FOXK1: variants seen among roughly 807,000 people sequenced by gnomAD.
FOXK1 encodes forkhead box protein K1.
FOXK1 carries 19 observed loss-of-function variants against 51.9 expected under a neutral mutation model. The ratio of observed to expected loss-of-function variants is 0.37; its 90% CI spans 0.26 to 0.54. The LOEUF (loss-of-function observed/expected upper bound fraction) is 0.54, where lower values mean the gene tolerates loss of function less well. Among genes scored for constraint, FOXK1 ranks in the 20% least tolerant of loss-of-function variants. The pLI is 0.87. For synonymous variants in FOXK1, 537 were observed against 482.6 expected, an observed-to-expected ratio of 1.11 and a Z score of -1.48; for missense variants, 870 against 1,032.7, an observed-to-expected ratio of 0.84 and a Z score of 2.16.
chr7:4,740,124 G>A (rs569157356), intron 1 of FOXK1, among the ~76,000 whole-genome samples: 9 of 151,932 alleles, frequency 5.9e-5, no homozygotes, highest in East Asian at 3.9e-4. Context: ...GTGAAACCCC[G>A]TCTCTACTAA....
At chr7:4,695,222 G>C (rs1239954777) in intron 1 of FOXK1, among the ~76,000 whole-genome samples, 1 of 152,206 alleles carries the variant, frequency 6.6e-6, no homozygotes, top group African/African-American at 2.4e-5. Flanking sequence ...TTTCCGTTAA[G>C]AATATCCACC....
Position 4,705,548 on chromosome 7 carries a change from TCTCTCTCTCTCG to T in FOXK1, c.560+22686_560+22697del, listed in dbSNP as rs1470427469. Among the ~76,000 whole-genome samples, 24 of 140,230 alleles carry T rather than the reference TCTCTCTCTCTCG, an allele frequency of 1.7e-4. No individual in the cohort carries two copies. In the South Asian group the frequency reaches 1.7e-3, roughly 10 times the overall value. 92.0% of individuals were successfully genotyped at this position (140,230 alleles called of 152,430 possible). ...CTCTCTCTCTCTCTCTCTCTCTCTC[TCTCTCTCTCTCG>T]CTCTCGCTCTCTCGTCGCCAGGCTG... On this transcript the variant is annotated intron_variant, in intron 1 of 8. Coordinates refer to ENST00000328914, the MANE Select transcript of FOXK1 (RefSeq NM_001037165.2).
chr7:4,718,196 C>G (rs1332624447), intron 1 of FOXK1, among the ~76,000 whole-genome samples: 2 of 150,800 alleles, frequency 1.3e-5, no homozygotes, highest in African/African-American at 5.0e-5. Flanking sequence ...GCATCACAGC[C>G]GGGAAGTTGG....
intron 7 of FOXK1, chr7:4,760,097 C>T (rs990006434): frequency 1.2e-5 from 2 of 160,066 alleles, no homozygotes; most frequent in Admixed American, 6.3e-5. Flanking sequence ...CTCGGATGCA[C>T]ATAGCTGTGT....
At position 4,735,662 on chromosome 7, in the gene FOXK1, T is replaced by C. The variant is rs534280113; in HGVS notation, c.561-5176T>C. On this transcript the variant is annotated intron_variant, in intron 1 of 8. Coordinates refer to ENST00000328914, the MANE Select transcript of FOXK1 (RefSeq NM_001037165.2). The surrounding 1 kb of genome is among the most constrained non-coding windows in gnomAD (Gnocchi z 4.7). ...GGCTGGTGGACGGAGATTTCTACTC[T>C]GTGGACACACTTAACCTTAGCGGAA... Among the ~76,000 whole-genome samples the C allele has an allele frequency of 9.2e-5, 14 of 152,282 alleles. No homozygotes were observed. The highest frequency in any genetic ancestry group is 7.7e-4 in the East Asian group (4 of 5,166).
rs1000199489 is a variant in FOXK1 at position 4,765,180 on chromosome 7, A to C, written c.*2716A>C. On this transcript the variant is annotated 3_prime_UTR_variant, in exon 9 of 9. Transcript: ENST00000328914. ...GTCCTGGATCCACTGCTCTGGGCTC[A>C]TAACCATGAGATTTTGAAAGAGTTT... is the stretch of plus-strand genomic sequence containing the variant. 2 of 152,634 alleles carry C rather than the reference A, an allele frequency of 1.3e-5. No individual in the cohort carries two copies. Among genetic ancestry groups the C allele is most frequent in the African/African-American group, 4.8e-5 (2 of 41,480 alleles). 9.5% of individuals were successfully genotyped at this position (152,634 alleles called of 1,614,324 possible). A position where few individuals can be genotyped will look rare whatever the true frequency, so the allele number is the denominator to read the frequency against.
In FOXK1 at chr7:4,754,579, G is replaced by A; in HGVS notation, c.867G>A (p.Glu289=). The change falls in exon 3 of 9, where the codon GAG becomes GAA. Residue 289 remains glutamate, a synonymous_variant. Coordinates refer to ENST00000328914, the MANE Select transcript of FOXK1 (RefSeq NM_001037165.2). ...AGTTTGCAGCAAAGGCCGCGTCGGA[G>A]CAGCAGGCAGACACGTCTGGAGGAG... is the stretch of plus-strand genomic sequence containing the variant. ...AAEFAAKAAS[E]QQADTSGGDS... is the part of the protein sequence containing the mutation. 1.9e-6 allele frequency: 3 copies of A among 1,607,818 alleles called. No homozygotes were observed. Among genetic ancestry groups the A allele is most frequent in the Non-Finnish European group, 2.5e-6 (3 of 1,180,006 alleles).
At chr7:4,727,922 G>A (rs1397190002) in intron 1 of FOXK1, among the ~76,000 whole-genome samples, 4 of 152,206 alleles carry the variant, frequency 2.6e-5, no homozygotes, top group East Asian at 1.9e-4. Context: ...GAGGAAAAGC[G>A]GCCGGTAAAA....
rs1197344882 is a variant in FOXK1, at chr7:4,767,066, G to A, written c.*4602G>A. ...CTTCGCTTTCAGAGCCGGCGGGAGT[G>A]CAGGTCTGTTTTGCTTCAGAAGCCT... is the stretch of plus-strand genomic sequence containing the variant. On this transcript the variant is annotated 3_prime_UTR_variant, in exon 9 of 9. Transcript: ENST00000328914. The surrounding 1 kb of genome is among the most constrained non-coding windows in gnomAD (Gnocchi z 6.6). The A allele has an allele frequency of 6.6e-6, 1 of 152,156 alleles. No homozygotes were observed. Among genetic ancestry groups the A allele is most frequent in the Non-Finnish European group, 1.5e-5 (1 of 68,064 alleles). The allele number at this position is 152,156 out of a possible 1,614,324, so 9.4% of individuals were successfully genotyped here.
chr7:4,685,242 C>G (rs1020904802), intron 1 of FOXK1, among the ~76,000 whole-genome samples: 9 of 40,572 alleles, frequency 2.2e-4, no homozygotes, highest in African/African-American at 8.2e-4. Context: ...TTTTTTTTTT[C>G]TGTCATGGAG....
rs1780141130 is a variant in FOXK1 at position 4,709,045 on chromosome 7, A to G, written c.560+26177A>G. Among the ~76,000 whole-genome samples, 3 of 148,718 alleles carry G rather than the reference A, an allele frequency of 2.0e-5. No homozygotes were observed. The South Asian group carries it at 6.4e-4, about 32-fold the overall frequency. On this transcript the variant is annotated intron_variant, in intron 1 of 8. Coordinates refer to ENST00000328914, the MANE Select transcript of FOXK1 (RefSeq NM_001037165.2). The surrounding 1 kb of genome is among the most constrained non-coding windows in gnomAD (Gnocchi z 5.6). ...GCCCCACTGCACTCCAGCCTGGGCA[A>G]TGAGCGAGACTCTGTCTCAAAAAAA...
intron 1 of FOXK1, among the ~76,000 whole-genome samples, chr7:4,699,261 G>C (rs929089975): frequency 6.6e-6 from 1 of 151,028 alleles, no homozygotes; most frequent in African/African-American, 2.4e-5. Context: ...CGTGGGACTC[G>C]TGGGGTCCTT....
intron 7 of FOXK1, chr7:4,760,083 G>C (rs1181084311): frequency 1.2e-5 from 2 of 162,220 alleles, no homozygotes; most frequent in African/African-American, 4.8e-5. Flanking sequence ...TGTTGAACAG[G>C]GCCCTCGGAT....
chr7:4,758,446 G>GAA lies in FOXK1; in HGVS notation c.1245-604_1245-603dup, dbSNP rs1052136529. Reference sequence around the variant, plus strand: ...GCAGTCTCGGAAATCCTTCCCCGTGGAAGGACACGTTAACCTCTCGTGCTT... The same window carrying GAA: ...GCAGTCTCGGAAATCCTTCCCCGTGGAAAAGGACACGTTAACCTCTCGTGCTT... On this transcript the variant is annotated intron_variant, in intron 5 of 8. Transcript: ENST00000328914. The surrounding 1 kb of genome is among the most constrained non-coding windows in gnomAD (Gnocchi z 4.4). 6 of 152,394 alleles carry GAA rather than the reference G, an allele frequency of 3.9e-5. No homozygotes were observed. Among genetic ancestry groups the GAA allele is most frequent in the African/African-American group, 1.4e-4 (6 of 41,466 alleles). The allele number at this position is 152,394 out of a possible 1,614,324, so 9.4% of individuals were successfully genotyped here.
chr7:4,737,466 G>A (rs1780568009), intron 1 of FOXK1, among the ~76,000 whole-genome samples: 1 of 150,930 alleles, frequency 6.6e-6, no homozygotes, highest in African/African-American at 2.5e-5. Flanking sequence ...GTGTGCATGT[G>A]TGTGTGTGCG....
chr7:4,711,250 G>A lies in FOXK1; in HGVS notation c.560+28382G>A, dbSNP rs900225467. ...CCCTCCTGGGTCCCGACACCTGGGG[G>A]TGTTTTCACAGGGTGGGAAGGCTGA... On this transcript the variant is annotated intron_variant, in intron 1 of 8. Transcript: ENST00000328914. This position sits in a 1 kb window ranked among gnomAD's most constrained non-coding sequence, Gnocchi z 6.3. 6.6e-6 allele frequency among the ~76,000 whole-genome samples: 1 copy of A among 152,176 alleles called. No individual in the cohort carries two copies. The highest frequency in any genetic ancestry group is 1.5e-5 in the Non-Finnish European group (1 of 68,038).
chr7:4,692,187 C>G (rs925873538), intron 1 of FOXK1, among the ~76,000 whole-genome samples: 1 of 152,102 alleles, frequency 6.6e-6, no homozygotes, highest in Non-Finnish European at 1.5e-5. Flanking sequence ...TGGTAGAACT[C>G]TGTAATGTCT....
chr7:4,737,429 TGTGTGCATGCGTGTGTGTGCGTGCAC>T (rs1456227562), intron 1 of FOXK1, among the ~76,000 whole-genome samples: 2 of 145,820 alleles, frequency 1.4e-5, no homozygotes, highest in Non-Finnish European at 3.0e-5. Context: ...CGGGTAGGTG[TGTGTGCATGCGTGTGTGTGCGTGCAC>T]GTGTGCATGT....
Position 4,761,928 on chromosome 7 carries a change from C to T in FOXK1, c.1922-256C>T, listed in dbSNP as rs369108113. On this transcript the variant is annotated intron_variant, in intron 8 of 8. Coordinates refer to ENST00000328914, the MANE Select transcript of FOXK1 (RefSeq NM_001037165.2). This position sits in a 1 kb window ranked among gnomAD's most constrained non-coding sequence, Gnocchi z 6.2. The stretch of plus-strand genomic sequence containing the variant: ...TGTGTAAAGGAGTGAGGCAAGCCGT[C>T]GATGTCCAGCAGGATCTAGACAGCA... Among the ~76,000 whole-genome samples, 1 of 152,036 alleles carries T rather than the reference C, an allele frequency of 6.6e-6. No individual in the cohort carries two copies. The highest frequency in any genetic ancestry group is 2.1e-4 in the South Asian group (1 of 4,818).
Sources: allele counts gnomAD v4.1 joint callset (sites outside exome capture counted in the v4.1 genomes callset), GRCh38; gene constraint gnomAD v4.1.1; non-coding constraint Gnocchi (gnomAD v3.1); transcripts MANE v1.5; gene names NCBI Gene and HGNC (gene_info 2026-07-23, HGNC 2026-07-21).